ARHGEF38: variants seen among roughly 807,000 people sequenced by gnomAD.
The protein encoded by ARHGEF38 is Rho guanine nucleotide exchange factor (GEF) 38.
ARHGEF38 carries 79 observed loss-of-function variants against 79.9 expected under a neutral mutation model. That is an observed-to-expected ratio of 0.99 (90% confidence interval 0.82 to 1.19). ARHGEF38 has a LOEUF of 1.19. ARHGEF38 is among the 50% of genes most tolerant of loss of function. The probability of loss-of-function intolerance (pLI) is 0.00; values close to 1 mark genes in which losing one functional copy is unlikely to be tolerated. For missense variants in ARHGEF38, 962 were observed against 907.2 expected (o/e 1.06, Z -0.78); for synonymous variants, 366 against 328.3 (o/e 1.11, Z -1.24).
intron 6 of ARHGEF38, among the ~76,000 whole-genome samples, chr4:105,647,829 G>A (rs1729914251): frequency 6.6e-6 from 1 of 151,866 alleles, no homozygotes; most frequent in South Asian, 2.1e-4. Context: ...CAGTGAAGAG[G>A]TGCTCTAGGA....
intron 1 of ARHGEF38, among the ~76,000 whole-genome samples, chr4:105,584,651 A>G (rs748566158): frequency 2.0e-5 from 3 of 152,228 alleles, no homozygotes; most frequent in Non-Finnish European, 2.9e-5. Flanking sequence ...ATGTCTATCT[A>G]TCTATAGCTA....
At chr4:105,639,191 G>A (rs938311857) in intron 5 of ARHGEF38, among the ~76,000 whole-genome samples, 1 of 151,770 alleles carries the variant, frequency 6.6e-6, no homozygotes, top group Non-Finnish European at 1.5e-5. Context: ...CATTTCTAAC[G>A]AATGATGTTT....
Position 105,666,230 on chromosome 4 carries a change from G to T in ARHGEF38, c.1599G>T (p.Glu533Asp). The part of the protein sequence containing the change: ...ISEIQNQVLE[E>D]IQNLNCVKEN... ...AGATTCAGAATCAAGTACTAGAAGA[G>T]ATCCAAAATTTGAATTGTGTGAAAG... Residue 533 changes from glutamate (E) to aspartate (D), a missense_variant, in exon 11 of 14, where the codon GAG (glutamate) becomes GAT (aspartate). Physicochemically the swap from Glu to Asp is conservative, Grantham distance 45. Transcript: ENST00000420470. 1 of 1,535,364 alleles carries T rather than the reference G, an allele frequency of 6.5e-7. No individual in the cohort carries two copies. Among genetic ancestry groups the T allele is most frequent in the South Asian group, 1.2e-5 (1 of 83,758 alleles).
At chr4:105,671,453 G>A (rs1376301013) in intron 13 of ARHGEF38, among the ~76,000 whole-genome samples, 1 of 152,160 alleles carries the variant, frequency 6.6e-6, no homozygotes, top group Non-Finnish European at 1.5e-5. Context: ...ATGCACATGG[G>A]CCAGTGGTTT....
Position 105,667,528 on chromosome 4 carries a change from G to A in ARHGEF38, c.1973G>A (p.Cys658Tyr). Residue 658 changes from cysteine to tyrosine, a missense_variant, in exon 13 of 14, where the codon TGT becomes TAT. By Grantham distance (194) the Cys-to-Tyr change is radical. Coordinates refer to ENST00000420470, the MANE Select transcript of ARHGEF38 (RefSeq NM_001242729.2). Reference sequence around the variant, plus strand: ...AAAGTGGATGCTGAGAACAGGTTCTGTGACGATGATTTTGAGAACATCAGC... The same window carrying A: ...AAAGTGGATGCTGAGAACAGGTTCTATGACGATGATTTTGAGAACATCAGC... ...MQKVDAENRF[C>Y]DDDFENISLF... The A allele has an allele frequency of 6.5e-7, 1 of 1,536,600 alleles. No homozygotes were observed. Among genetic ancestry groups the A allele is most frequent in the Non-Finnish European group, 8.7e-7 (1 of 1,147,024 alleles).
At chr4:105,643,569 T>C (rs77025186) in intron 5 of ARHGEF38, among the ~76,000 whole-genome samples, 42 of 152,316 alleles carry the variant, frequency 2.8e-4, no homozygotes, top group African/African-American at 9.6e-4. Flanking sequence ...AAGATAAAAG[T>C]ACATTACAGA....
intron 13 of ARHGEF38, among the ~76,000 whole-genome samples, chr4:105,674,081 G>T (rs1731043052): frequency 6.6e-6 from 1 of 152,150 alleles, no homozygotes; most frequent in South Asian, 2.1e-4. Context: ...GTCAGGTAAT[G>T]TGGCTCACGG....
At chr4:105,588,131 C>T (rs1363899330) in intron 1 of ARHGEF38, among the ~76,000 whole-genome samples, 1 of 152,124 alleles carries the variant, frequency 6.6e-6, no homozygotes, top group African/African-American at 2.4e-5. Context: ...AGCTTTGTTC[C>T]CGGAGTCAGC....
At chr4:105,632,454 G>A (rs1370317419) in intron 4 of ARHGEF38, among the ~76,000 whole-genome samples, 1 of 152,076 alleles carries the variant, frequency 6.6e-6, no homozygotes, top group Non-Finnish European at 1.5e-5. Context: ...TTCAGTTTAG[G>A]TTCAGTGTTA....
At chr4:105,574,784 A>G (rs958951111) in intron 1 of ARHGEF38, among the ~76,000 whole-genome samples, 1 of 152,036 alleles carries the variant, frequency 6.6e-6, no homozygotes, top group Non-Finnish European at 1.5e-5. Context: ...TAGATTGATT[A>G]TATAGTAGTG....
At chr4:105,603,591 T>C (rs1444062883) in intron 2 of ARHGEF38, among the ~76,000 whole-genome samples, 2 of 152,096 alleles carry the variant, frequency 1.3e-5, no homozygotes, top group East Asian at 3.9e-4. Context: ...TCCCAGTTGG[T>C]GATTTGCAAC....
intron 1 of ARHGEF38, among the ~76,000 whole-genome samples, chr4:105,561,957 A>C (rs991272807): frequency 6.6e-6 from 1 of 152,196 alleles, no homozygotes; most frequent in Non-Finnish European, 1.5e-5. Flanking sequence ...GGAGAAGCTA[A>C]TGGAAGATAA....
intron 1 of ARHGEF38, among the ~76,000 whole-genome samples, chr4:105,555,007 CAG>C (rs1725187246): frequency 1.3e-5 from 2 of 152,098 alleles, no homozygotes; most frequent in Non-Finnish European, 2.9e-5. Context: ...AAAATAAAAA[CAG>C]AAAATAATTT....
At chr4:105,675,343 C>T (rs904721969) in intron 13 of ARHGEF38, among the ~76,000 whole-genome samples, 1 of 152,162 alleles carries the variant, frequency 6.6e-6, no homozygotes, top group Non-Finnish European at 1.5e-5. Context: ...GCACATTTAA[C>T]ATATAACTGC....
chr4:105,599,930 C>T (rs1351523254), intron 2 of ARHGEF38, among the ~76,000 whole-genome samples: 1 of 151,992 alleles, frequency 6.6e-6, no homozygotes, highest in East Asian at 1.9e-4. Flanking sequence ...CCTCTTATAG[C>T]TATGAGAAGA....
chr4:105,668,147 G>C (rs1730822064), intron 13 of ARHGEF38, among the ~76,000 whole-genome samples: 1 of 151,814 alleles, frequency 6.6e-6, no homozygotes, highest in Admixed American at 6.6e-5. Flanking sequence ...TTAATCTCAT[G>C]TATAATACCA....
intron 5 of ARHGEF38, among the ~76,000 whole-genome samples, chr4:105,637,510 A>AATTC: frequency 6.6e-6 from 1 of 152,276 alleles, no homozygotes; most frequent in Non-Finnish European, 1.5e-5. Context: ...GGCTCATTTG[A>AATTC]ATTCAAAGAG....
At chr4:105,565,813 G>C (rs1725859867) in intron 1 of ARHGEF38, among the ~76,000 whole-genome samples, 1 of 152,120 alleles carries the variant, frequency 6.6e-6, no homozygotes, top group Non-Finnish European at 1.5e-5. Context: ...CCATGACCCA[G>C]TTAACAAGTC....
intron 10 of ARHGEF38, among the ~76,000 whole-genome samples, chr4:105,663,863 G>A (rs770758040): frequency 5.3e-5 from 8 of 151,918 alleles, no homozygotes; most frequent in Non-Finnish European, 7.4e-5. Flanking sequence ...CCAGCTACTC[G>A]GGAGGCTGAG....
Sources: allele counts gnomAD v4.1 joint callset (sites outside exome capture counted in the v4.1 genomes callset), GRCh38; gene constraint gnomAD v4.1.1; transcripts MANE v1.5; gene names NCBI Gene and HGNC (gene_info 2026-07-23, HGNC 2026-07-21).